Variants in UBE2E2 observed in about 807,000 individuals in gnomAD.
The protein encoded by UBE2E2 is ubiquitin conjugating enzyme E2 E2.
UBE2E2 carries 6 observed loss-of-function variants against 24.7 expected under a neutral mutation model. The observed-to-expected ratio is 0.24, with a 90% CI of 0.13 to 0.48. UBE2E2 has a LOEUF of 0.48. Among genes scored for constraint, UBE2E2 ranks in the 20% least tolerant of loss-of-function variants. UBE2E2 has a pLI of 0.99. For synonymous variants in UBE2E2, 104 were observed against 83.6 expected (o/e 1.24, Z -1.33); for missense variants, 169 against 245.0 (o/e 0.69, Z 2.07).
chr3:23,272,491 C>T (rs907284527), intron 3 of UBE2E2, among the ~76,000 whole-genome samples: 1 of 152,196 alleles, frequency 6.6e-6, no homozygotes, highest in Admixed American at 6.5e-5. Flanking sequence ...CAAGGGTGGC[C>T]AGAGCAGACG....
intron 3 of UBE2E2, among the ~76,000 whole-genome samples, chr3:23,438,637 A>G (rs927817716): frequency 2.1e-4 from 32 of 152,194 alleles, no homozygotes; most frequent in African/African-American, 7.5e-4. Context: ...TTCTTGAGTA[A>G]TAATTAAAGT....
At chr3:23,588,249 G>A (rs1454011531) in intron 5 of UBE2E2, among the ~76,000 whole-genome samples, 1 of 152,018 alleles carries the variant, frequency 6.6e-6, no homozygotes, top group East Asian at 1.9e-4. Flanking sequence ...TTACCTGACT[G>A]CTCTAATATA....
chr3:23,555,675 C>T (rs534656756), intron 5 of UBE2E2, among the ~76,000 whole-genome samples: 10 of 152,236 alleles, frequency 6.6e-5, no homozygotes, highest in South Asian at 6.2e-4. Context: ...CATAAACACA[C>T]GCACATACAC....
intron 5 of UBE2E2, among the ~76,000 whole-genome samples, chr3:23,549,540 G>T (rs1282321474): frequency 2.6e-5 from 4 of 152,148 alleles, no homozygotes; most frequent in African/African-American, 7.2e-5. Flanking sequence ...AGTGACCTTG[G>T]ATAAATCGGT....
intron 3 of UBE2E2, among the ~76,000 whole-genome samples, chr3:23,491,278 TG>T (rs1324647574): frequency 1.3e-5 from 2 of 152,202 alleles, no homozygotes; most frequent in African/African-American, 4.8e-5. Context: ...GAACACCCTC[TG>T]GGGCATAGGG....
chr3:23,346,565 G>GT (rs1467911590), intron 3 of UBE2E2, among the ~76,000 whole-genome samples: 8 of 152,186 alleles, frequency 5.3e-5, no homozygotes, highest in South Asian at 2.1e-4. Context: ...AGTGTTCACT[G>GT]TTTCACTAAA....
intron 4 of UBE2E2, among the ~76,000 whole-genome samples, chr3:23,526,086 T>C (rs1694991075): frequency 6.6e-6 from 1 of 152,172 alleles, no homozygotes; most frequent in South Asian, 2.1e-4. Context: ...AGTTTTTACC[T>C]TGATTGTAGA....
intron 4 of UBE2E2, among the ~76,000 whole-genome samples, chr3:23,504,912 C>CTTTGTTTTTTTTTTTTT (rs1694401271): frequency 1.1e-5 from 1 of 95,072 alleles, no homozygotes; most frequent in Non-Finnish European, 2.0e-5. Context: ...GACATTCTTT[C>CTTTGTTTTTTTTTTTTT]TTTTTTTTTT....
chr3:23,281,148 G>A (rs971713436), intron 3 of UBE2E2, among the ~76,000 whole-genome samples: 1 of 152,308 alleles, frequency 6.6e-6, no homozygotes, highest in Non-Finnish European at 1.5e-5. Context: ...GGGGACTTGA[G>A]TTGCAATATA....
At chr3:23,469,218 G>GC (rs2125432493) in intron 3 of UBE2E2, among the ~76,000 whole-genome samples, 1 of 152,260 alleles carries the variant, frequency 6.6e-6, no homozygotes, top group South Asian at 2.1e-4. Context: ...AGCTCTCCAA[G>GC]TTTCCTTTCA....
intron 5 of UBE2E2, among the ~76,000 whole-genome samples, chr3:23,535,252 G>T (rs79937641): frequency 6.6e-6 from 1 of 152,138 alleles, no homozygotes; most frequent in Non-Finnish European, 1.5e-5. Flanking sequence ...TGGTATATGT[G>T]AAAGCCATTT....
chr3:23,435,692 G>A (rs1222235655), intron 3 of UBE2E2, among the ~76,000 whole-genome samples: 3 of 152,206 alleles, frequency 2.0e-5, no homozygotes, highest in South Asian at 4.1e-4. Flanking sequence ...TGGCTTGTTT[G>A]AATAATTCCT....
At chr3:23,461,119 T>C (rs1216230029) in intron 3 of UBE2E2, among the ~76,000 whole-genome samples, 2 of 152,142 alleles carry the variant, frequency 1.3e-5, no homozygotes, top group African/African-American at 4.8e-5. Flanking sequence ...AGAAATAATT[T>C]ACACACCGTC....
chr3:23,365,884 A>C (rs1696245326), intron 3 of UBE2E2, among the ~76,000 whole-genome samples: 1 of 152,220 alleles, frequency 6.6e-6, no homozygotes, highest in Admixed American at 6.5e-5. Flanking sequence ...TACGATAACC[A>C]AAAAAGCACA....
intron 3 of UBE2E2, among the ~76,000 whole-genome samples, chr3:23,433,204 T>TA (rs900022717): frequency 6.6e-6 from 1 of 151,990 alleles, no homozygotes; most frequent in Admixed American, 6.6e-5. Context: ...ACCAAAATCT[T>TA]ATACTCATAT....
rs560753342 is a variant in UBE2E2 at position 23,290,675 on chromosome 3, C to T, written c.227+73363C>T. Among the ~76,000 whole-genome samples the T allele has an allele frequency of 7.9e-5, 12 of 151,880 alleles. 1 individual carries two copies. The South Asian group carries it at 2.3e-3, about 29-fold the overall frequency. ...ATAGTTGTGATTTAGAATTTAAAACCTCAGATAAACTATGGTTATAGGTAA... is the reference window on the plus strand; with the variant it reads ...ATAGTTGTGATTTAGAATTTAAAACTTCAGATAAACTATGGTTATAGGTAA... On this transcript the variant is annotated intron_variant, in intron 3 of 5. Coordinates refer to ENST00000396703, the MANE Select transcript of UBE2E2 (RefSeq NM_152653.4).
At chr3:23,247,485 G>C (rs1363097979) in intron 3 of UBE2E2, among the ~76,000 whole-genome samples, 1 of 152,008 alleles carries the variant, frequency 6.6e-6, no homozygotes, top group Non-Finnish European at 1.5e-5. Context: ...CTCCTGAGTA[G>C]CTGGGATTAC....
At chr3:23,481,518 A>G (rs754923188) in intron 3 of UBE2E2, among the ~76,000 whole-genome samples, 5 of 152,236 alleles carry the variant, frequency 3.3e-5, no homozygotes, top group Non-Finnish European at 7.3e-5. Flanking sequence ...AGCCTTTTTA[A>G]TGCTTAGTTC....
chr3:23,411,433 A>G (rs1697494855), intron 3 of UBE2E2, among the ~76,000 whole-genome samples: 1 of 152,152 alleles, frequency 6.6e-6, no homozygotes, highest in Admixed American at 6.6e-5. Flanking sequence ...CTCTTGCCTG[A>G]TGACAAGTAA....
Sources: gnomAD v4.1 joint callset for allele counts (sites outside exome capture counted in the v4.1 genomes callset) on GRCh38, gnomAD v4.1.1 for gene constraint, MANE v1.5 for transcripts, NCBI Gene and HGNC (gene_info 2026-07-23, HGNC 2026-07-21) for gene names.